The following CNTNAP2 variants were observed in gnomAD, a reference collection of about 807,000 sequenced individuals.
The protein encoded by CNTNAP2 is contactin-associated protein-like 2.
A neutral mutation model predicts 155.2 loss-of-function variants in CNTNAP2; 98 were observed. The ratio of observed to expected loss-of-function variants is 0.63; its 90% confidence interval spans 0.54 to 0.75. CNTNAP2 has a LOEUF of 0.75. Among genes scored for constraint, CNTNAP2 ranks in the 30% least tolerant of loss-of-function variants. The pLI is 0.00. For missense variants in CNTNAP2, 1,727 were observed against 1,688.1 expected (o/e 1.02, Z -0.40); for synonymous variants, 651 against 631.2 (o/e 1.03, Z -0.47).
chr7:146,151,697 T>TATAC (rs1491211629), intron 1 of CNTNAP2, among the ~76,000 whole-genome samples: 2 of 40,240 alleles, frequency 5.0e-5, no homozygotes, highest in East Asian at 5.4e-4. Context: ...TATATATATA[T>TATAC]GTATATATAT....
intron 13 of CNTNAP2, among the ~76,000 whole-genome samples, chr7:147,827,401 T>TA (rs1341604600): frequency 6.6e-6 from 1 of 152,084 alleles, no homozygotes; most frequent in Admixed American, 6.6e-5. Context: ...ATAATAAATG[T>TA]AAAGTGCTTA....
At chr7:146,458,707 G>A (rs1796593321) in intron 1 of CNTNAP2, among the ~76,000 whole-genome samples, 1 of 152,138 alleles carries the variant, frequency 6.6e-6, no homozygotes, top group Admixed American at 6.5e-5. Flanking sequence ...TTTGGGAGGA[G>A]ACTGATACTT....
chr7:146,934,388 C>G (rs539058654), intron 3 of CNTNAP2, among the ~76,000 whole-genome samples: 29 of 136,916 alleles, frequency 2.1e-4, no homozygotes, highest in African/African-American at 5.6e-4. Flanking sequence ...GGGAATTGAA[C>G]AATGAGAACA....
At chr7:146,926,251 TTGTG>T (rs149925170) in intron 3 of CNTNAP2, among the ~76,000 whole-genome samples, 1 of 150,488 alleles carries the variant, frequency 6.6e-6, no homozygotes, top group African/African-American at 2.4e-5. Flanking sequence ...CTGTGTACAT[TTGTG>T]TGTGTGTGTG....
At chr7:148,267,673 C>A (rs12704005) in intron 21 of CNTNAP2, among the ~76,000 whole-genome samples, 46,784 of 129,318 alleles carry the variant, frequency 0.36, 9,580 homozygotes, top group East Asian at 0.62. Flanking sequence ...AAAAAAAAAA[C>A]AACCAAACAA....
rs373510148 is a variant in CNTNAP2 at position 147,249,824 on chromosome 7, T to G, written c.1349-50317T>G. Among the ~76,000 whole-genome samples, 93 of 152,238 alleles carry G rather than the reference T, an allele frequency of 6.1e-4. No homozygotes were observed. In the Middle Eastern group the frequency reaches 0.01, roughly 17 times the overall value. On this transcript the variant is annotated intron_variant, in intron 8 of 23. Transcript: ENST00000361727. ...CTTCCTACCAAAGTTCCGTGCTCTT[T>G]GCTGGAGGCTCCGTTTCTGAAAAGC...
At chr7:146,188,817 G>A (rs1042378248) in intron 1 of CNTNAP2, among the ~76,000 whole-genome samples, 9 of 152,142 alleles carry the variant, frequency 5.9e-5, no homozygotes, top group African/African-American at 2.2e-4. Context: ...GCATCTGGCA[G>A]AAATCAATTT....
intron 15 of CNTNAP2, among the ~76,000 whole-genome samples, chr7:148,025,029 C>G (rs1298943299): frequency 2.0e-5 from 3 of 152,214 alleles, no homozygotes; most frequent in Non-Finnish European, 2.9e-5. Flanking sequence ...CTTCCTGAAA[C>G]TAACCCCTCC....
At chr7:146,146,206 A>G (rs1020082006) in intron 1 of CNTNAP2, among the ~76,000 whole-genome samples, 1 of 152,168 alleles carries the variant, frequency 6.6e-6, no homozygotes, top group Non-Finnish European at 1.5e-5. Flanking sequence ...TATTTTTTAC[A>G]CTTGGACTAA....
At chr7:147,254,001 T>G (rs1323206999) in intron 8 of CNTNAP2, among the ~76,000 whole-genome samples, 3 of 152,200 alleles carry the variant, frequency 2.0e-5, no homozygotes, top group African/African-American at 7.2e-5. Flanking sequence ...CCTCTGACTC[T>G]TTGAATCCAA....
chr7:146,528,676 A>T (rs1250853917), intron 1 of CNTNAP2, among the ~76,000 whole-genome samples: 2 of 152,244 alleles, frequency 1.3e-5, no homozygotes, highest in Middle Eastern at 3.4e-3. Context: ...ATTAGTGAGG[A>T]TATTATATGT....
chr7:146,163,521 A>ATC (rs944249078), intron 1 of CNTNAP2, among the ~76,000 whole-genome samples: 8 of 144,398 alleles, frequency 5.5e-5, no homozygotes, highest in East Asian at 2.0e-4. Context: ...ATATATCTAT[A>ATC]TATATCTATA....
rs5888241 is a variant in CNTNAP2 at position 147,213,571 on chromosome 7, C to CAAAA, written c.1348+81070_1348+81073dup. The stretch of plus-strand genomic sequence containing the variant: ...CTTCATCTCTTAAATGCCCTCATCG[C>CAAAA]AAAAAAAAAAATAACATTGTATTGG... On this transcript the variant is annotated intron_variant, in intron 8 of 23. Coordinates refer to ENST00000361727, the MANE Select transcript of CNTNAP2 (RefSeq NM_014141.6). Among the ~76,000 whole-genome samples the CAAAA allele has an allele frequency of 3.2e-3, 442 of 140,060 alleles. 2 individuals carry two copies. The highest frequency in any genetic ancestry group is 0.011 in the African/African-American group (411 of 38,590). 91.9% of individuals were successfully genotyped at this position (140,060 alleles called of 152,430 possible). A position where few individuals can be genotyped will look rare whatever the true frequency, so the allele number is the denominator to read the frequency against.
intron 10 of CNTNAP2, among the ~76,000 whole-genome samples, chr7:147,417,203 C>T (rs1194692609): frequency 6.6e-6 from 1 of 151,978 alleles, no homozygotes; most frequent in Non-Finnish European, 1.5e-5. Flanking sequence ...AATATTATAA[C>T]TCATTGTTTT....
intron 13 of CNTNAP2, among the ~76,000 whole-genome samples, chr7:147,641,428 T>C (rs1236871388): frequency 6.6e-6 from 1 of 152,082 alleles, no homozygotes; most frequent in Non-Finnish European, 1.5e-5. Flanking sequence ...TCTCAGACTT[T>C]AGTGGGCATT....
intron 14 of CNTNAP2, among the ~76,000 whole-genome samples, chr7:147,927,057 T>A (rs1383464513): frequency 1.3e-5 from 2 of 152,236 alleles, no homozygotes; most frequent in African/African-American, 4.8e-5. Flanking sequence ...TTTTTAATAT[T>A]TGCTACAATA....
chr7:148,230,888 A>G (rs529179666), intron 20 of CNTNAP2, among the ~76,000 whole-genome samples: 1 of 152,290 alleles, frequency 6.6e-6, no homozygotes, highest in African/African-American at 2.4e-5. Context: ...CAAATTCTTT[A>G]TGGAGTAAAC....
intron 15 of CNTNAP2, among the ~76,000 whole-genome samples, chr7:148,083,924 C>G (rs1269993522): frequency 6.6e-6 from 1 of 152,090 alleles, no homozygotes; most frequent in Non-Finnish European, 1.5e-5. Context: ...GAAAAAAATA[C>G]CTTCTTTCCT....
intron 8 of CNTNAP2, among the ~76,000 whole-genome samples, chr7:147,190,396 C>T (rs1802658273): frequency 6.6e-6 from 1 of 152,086 alleles, no homozygotes; most frequent in Non-Finnish European, 1.5e-5. Flanking sequence ...GAAATATTAA[C>T]ATTATTTTTA....
Sources: allele counts gnomAD v4.1 joint callset (sites outside exome capture counted in the v4.1 genomes callset), GRCh38; gene constraint gnomAD v4.1.1; transcripts MANE v1.5; gene names NCBI Gene and HGNC (gene_info 2026-07-23, HGNC 2026-07-21).